The following S100Z variants were observed in gnomAD, a reference collection of about 807,000 sequenced individuals.
The protein encoded by S100Z is protein S100-Z.
S100Z carries 11 observed loss-of-function variants against 8.5 expected under a neutral mutation model. The ratio of observed to expected loss-of-function variants is 1.30; its 90% CI spans 0.82 to 2.15. The LOEUF (loss-of-function observed/expected upper bound fraction) is 2.15. Among genes scored for constraint, S100Z ranks in the 30% most tolerant of loss-of-function variants. The pLI, the probability that S100Z is intolerant of heterozygous loss-of-function variation, is 0.00. For synonymous variants in S100Z, 34 were observed against 43.8 expected (o/e 0.78, Z 0.89); for missense variants, 126 against 117.9 (o/e 1.07, Z -0.32).
At chr5:76,862,506 C>T (rs1751089042) in intron 1 of S100Z, among the ~76,000 whole-genome samples, 2 of 152,004 alleles carry the variant, frequency 1.3e-5, no homozygotes, top group Admixed American at 6.6e-5. Flanking sequence ...CTTTATAAGA[C>T]CCTGAGGAGC....
chr5:76,904,996 T>A (rs1307726693), intron 4 of S100Z, among the ~76,000 whole-genome samples: 3 of 152,232 alleles, frequency 2.0e-5, no homozygotes, highest in Non-Finnish European at 4.4e-5. Context: ...GAAGGGCAAC[T>A]CTCATTCCCC....
chr5:76,875,177 C>T (rs755279871), intron 2 of S100Z, 127 bp from the exon 3 acceptor site: 11 of 465,976 alleles, frequency 2.4e-5, no homozygotes, highest in Admixed American at 4.2e-5. Context: ...AGGCTTGAGC[C>T]ACCGCGCCTG....
intron 2 of S100Z, among the ~76,000 whole-genome samples, chr5:76,872,650 A>T (rs1743051376): frequency 1.3e-5 from 2 of 150,864 alleles, no homozygotes; most frequent in South Asian, 4.2e-4. Flanking sequence ...ACAGAGCAAG[A>T]CTCTGTCTTA....
At chr5:76,952,148 G>T in the S100Z span, among the ~76,000 whole-genome samples, 1 of 152,142 alleles carries the variant, frequency 6.6e-6, no homozygotes. Context: ...CTTATTTCCG[G>T]ATCCCTAAGT....
chr5:76,882,026 A>T (rs1743416599), intron 4 of S100Z, among the ~76,000 whole-genome samples: 1 of 152,198 alleles, frequency 6.6e-6, no homozygotes, highest in South Asian at 2.1e-4. Flanking sequence ...TATGGAAGGC[A>T]TATTTACAGT....
the S100Z span, among the ~76,000 whole-genome samples, chr5:76,935,933 C>T: frequency 1.3e-5 from 2 of 152,050 alleles, no homozygotes; most frequent in South Asian, 4.1e-4. Context: ...CACACCACCA[C>T]ACCGGGCTAA....
chr5:76,888,696 G>C (rs1476609173), intron 4 of S100Z, among the ~76,000 whole-genome samples: 1 of 152,016 alleles, frequency 6.6e-6, no homozygotes, highest in African/African-American at 2.4e-5. Flanking sequence ...GATTACAGGC[G>C]TGAGCCACCG....
chr5:76,901,608 C>T (rs1389961155), intron 4 of S100Z, among the ~76,000 whole-genome samples: 1 of 152,038 alleles, frequency 6.6e-6, no homozygotes, highest in African/African-American at 2.4e-5. Flanking sequence ...CTGGGTCTCA[C>T]CCTTCAGGGC....
At chr5:76,943,391 C>T in the S100Z span, among the ~76,000 whole-genome samples, 2 of 152,152 alleles carry the variant, frequency 1.3e-5, no homozygotes, top group African/African-American at 4.8e-5. Context: ...TGCTTTTTTT[C>T]TAACTTAGCC....
At chr5:76,875,805 T>G (rs1005023238) in intron 3 of S100Z, among the ~76,000 whole-genome samples, 2 of 152,184 alleles carry the variant, frequency 1.3e-5, no homozygotes, top group Admixed American at 6.5e-5. Flanking sequence ...GTTATAGTTA[T>G]AACTAGTTAC....
intron 3 of S100Z, among the ~76,000 whole-genome samples, chr5:76,877,206 A>C (rs1394009760): frequency 2.0e-5 from 3 of 152,214 alleles, no homozygotes; most frequent in Non-Finnish European, 4.4e-5. Context: ...CAAAAGTGTG[A>C]TGAAGTATCC....
chr5:76,875,770 A>T (rs772468242), intron 3 of S100Z, among the ~76,000 whole-genome samples: 6 of 152,210 alleles, frequency 3.9e-5, no homozygotes, highest in Non-Finnish European at 8.8e-5. Flanking sequence ...CTGGTGCGGC[A>T]AAGATGTAGC....
chr5:76,929,644 C>G, the S100Z span, among the ~76,000 whole-genome samples: 1 of 152,056 alleles, frequency 6.6e-6, no homozygotes, highest in South Asian at 2.1e-4. Context: ...TATGGTTAAC[C>G]TGAATGTGTC....
At chr5:76,861,614 C>G (rs996185061) in intron 1 of S100Z, among the ~76,000 whole-genome samples, 1 of 152,214 alleles carries the variant, frequency 6.6e-6, no homozygotes, top group Non-Finnish European at 1.5e-5. Context: ...GCTGGGATTA[C>G]AGGCGTGAGC....
the S100Z span, among the ~76,000 whole-genome samples, chr5:76,940,177 A>T: frequency 6.6e-6 from 1 of 151,632 alleles, no homozygotes; most frequent in Non-Finnish European, 1.5e-5. Context: ...AAAAAAATCA[A>T]ATTTACCTAA....
chr5:76,864,175 C>T (rs1751178231), intron 1 of S100Z, among the ~76,000 whole-genome samples: 1 of 151,934 alleles, frequency 6.6e-6, no homozygotes, highest in African/African-American at 2.4e-5. Context: ...GACAATGGTC[C>T]CATAAGATTA....
At chr5:76,936,073 G>A in the S100Z span, among the ~76,000 whole-genome samples, 128 of 152,030 alleles carry the variant, frequency 8.4e-4, no homozygotes, top group Non-Finnish European at 1.7e-3. Context: ...CACCGTGCCC[G>A]GCCAAAATAA....
chr5:76,939,852 A>G, the S100Z span, among the ~76,000 whole-genome samples: 2 of 150,886 alleles, frequency 1.3e-5, no homozygotes, highest in South Asian at 4.2e-4. Flanking sequence ...GGCACGTCTG[A>G]CTCCTTTAAA....
At chr5:76,952,868 G>C in the S100Z span, 1 of 483,322 alleles carries the variant, frequency 2.1e-6, no homozygotes, top group Non-Finnish European at 3.8e-6. Flanking sequence ...ATCATTCTTG[G>C]TGAATAATGC....
Sources: allele counts gnomAD v4.1 joint callset (sites outside exome capture counted in the v4.1 genomes callset), GRCh38; gene constraint gnomAD v4.1.1; transcripts MANE v1.5; gene names NCBI Gene and HGNC (gene_info 2026-07-23, HGNC 2026-07-21).